Variants in CLN3 observed in about 807,000 individuals in gnomAD.
The protein encoded by CLN3 is CLN3 lysosomal/endosomal transmembrane protein, battenin.
Under a neutral mutation model 60.7 loss-of-function variants are expected in CLN3, and 49 were observed. That is an observed-to-expected ratio of 0.81 (90% CI 0.64 to 1.02). CLN3 has a LOEUF of 1.02. Among genes scored for constraint, CLN3 ranks in the 50% least tolerant of loss-of-function variants. The pLI, the probability that CLN3 is intolerant of heterozygous loss-of-function variation, is 0.00. For synonymous variants in CLN3, 256 were observed against 245.8 expected, an observed-to-expected ratio of 1.04 and a Z score of -0.39; for missense variants, 516 against 557.4, an observed-to-expected ratio of 0.93 and a Z score of 0.75.
intron 14 of CLN3, among the ~76,000 whole-genome samples, chr16:28,479,301 T>C (rs1158876818): frequency 6.6e-6 from 1 of 152,124 alleles, no homozygotes; most frequent in Non-Finnish European, 1.5e-5. Context: ...AGGACACACC[T>C]CTAGCCAGGT....
intron 9 of CLN3, among the ~76,000 whole-genome samples, chr16:28,485,471 G>C (rs2046192588): frequency 6.7e-6 from 1 of 148,884 alleles, no homozygotes; most frequent in African/African-American, 2.5e-5. Flanking sequence ...GGGAGGCTGA[G>C]GCAGGAGAAT....
chr16:28,491,099 ATAAAT>A lies in CLN3; in HGVS notation c.125+378_125+382del, dbSNP rs753102899. The stretch of plus-strand genomic sequence containing the variant: ...AGAAAAAAAAATAAGATAAAATAAA[ATAAAT>A]TAAAAAAATAAAAAAGTTTTAGTAG... On this transcript the variant is annotated intron_variant, in intron 3 of 15. Coordinates refer to ENST00000636147, the MANE Select transcript of CLN3 (RefSeq NM_001042432.2). 299 of 153,312 alleles carry A rather than the reference ATAAAT, an allele frequency of 2.0e-3. 1 individual carries two copies. Among genetic ancestry groups the A allele is most frequent in the Admixed American group, 8.0e-3 (116 of 14,478 alleles). The allele number at this position is 153,312 out of a possible 1,614,324, so 9.5% of individuals were successfully genotyped here. A position where few individuals can be genotyped will look rare whatever the true frequency, so the allele number is the denominator to read the frequency against.
At chr16:28,483,861 A>G (rs1471600710) in intron 10 of CLN3, 145 bp downstream of exon 10, 22 of 667,140 alleles carry the variant, frequency 3.3e-5, no homozygotes, top group Middle Eastern at 3.4e-4. Context: ...CTCGTCCTCA[A>G]CAAGTATTTC....
downstream of CLN3, chr16:28,470,528 G>T (rs1417425538): frequency 4.4e-6 from 3 of 687,732 alleles, no homozygotes; most frequent in Admixed American, 5.7e-5. Context: ...GGGGACCGGG[G>T]CCGGATCTGA....
intron 3 of CLN3, among the ~76,000 whole-genome samples, chr16:28,490,801 G>A (rs1048348357): frequency 6.6e-6 from 1 of 151,376 alleles, no homozygotes; most frequent in African/African-American, 2.4e-5. Context: ...CGGCATGGTG[G>A]CTCATGCTTG....
At position 28,491,656 on chromosome 16, in the gene CLN3, C is replaced by G; in HGVS notation, c.46+58G>C. ...CGGGGCCGAGTCAGCTCTCATTCCC[C>G]TCAGGTGGGCTGCGAGCCAGAGGTG... On this transcript the variant is annotated intron_variant, in intron 2 of 15. Transcript: ENST00000636147. The G allele has an allele frequency of 4.3e-6, 7 of 1,614,032 alleles. No homozygotes were observed. In the East Asian group the frequency reaches 1.6e-4, roughly 36 times the overall value.
At chr16:28,484,341 C>T (rs549886955) in intron 9 of CLN3, 2 of 551,518 alleles carry the variant, frequency 3.6e-6, no homozygotes, top group East Asian at 3.1e-5. Context: ...TATTCATGGG[C>T]CTTCATTTTG....
At chr16:28,472,620 C>A (rs1357719367), downstream of CLN3, among the ~76,000 whole-genome samples, 1 of 150,748 alleles carries the variant, frequency 6.6e-6, no homozygotes. Context: ...GTGGGCGGAT[C>A]ACTTGAGGTC....
downstream of CLN3, chr16:28,477,272 TAAG>T (rs2046008119): frequency 1.8e-6 from 1 of 568,226 alleles, no homozygotes; most frequent in Non-Finnish European, 3.1e-6. Context: ...AAAAACGATA[TAAG>T]AAGTCCATGG....
At chr16:28,477,254 T>C (rs2141692818), downstream of CLN3, 1 of 529,764 alleles carries the variant, frequency 1.9e-6, no homozygotes, top group East Asian at 3.4e-5. Flanking sequence ...AAGTTTCTTT[T>C]TAGAGACAAA....
chr16:28,491,147 C>T (rs367696318), intron 3 of CLN3: 4 of 318,290 alleles, frequency 1.3e-5, no homozygotes, highest in Admixed American at 4.5e-5. Context: ...TTTATTTAAA[C>T]GTTCACTAGG....
At chr16:28,477,270 T>G, downstream of CLN3, 1 of 562,738 alleles carries the variant, frequency 1.8e-6, no homozygotes, top group Non-Finnish European at 3.2e-6. Context: ...ACAAAAACGA[T>G]ATAAGAAGTC....
chr16:28,477,739 C>G lies in CLN3; in HGVS notation c.1195G>C (p.Glu399Gln), dbSNP rs386833701. ...GCCCTTGCCCGGCCAATGCTGACCT[C>G]CAGGGCGATGTTGTGGAAGGTGTTC... Reference protein sequence around the residue: ...YVNTFHNIALETSDEHREFAM... With the variant: ...YVNTFHNIALQTSDEHREFAM... The change falls in exon 15 of 16, where the codon GAG becomes CAG. Residue 399 changes from glutamate to glutamine, a missense_variant and splice_region_variant. Physicochemically the swap from Glu to Gln is conservative, Grantham distance 29. Coordinates refer to ENST00000636147, the MANE Select transcript of CLN3 (RefSeq NM_001042432.2). 1 of 1,614,032 alleles carries G rather than the reference C, an allele frequency of 6.2e-7. No individual in the cohort carries two copies. Among genetic ancestry groups the G allele is most frequent in the African/African-American group, 1.3e-5 (1 of 74,902 alleles).
chr16:28,488,474 C>T, intron 5 of CLN3, 117 bp downstream of exon 5: 1 of 902,406 alleles, frequency 1.1e-6, no homozygotes, highest in South Asian at 1.5e-5. Flanking sequence ...TGCGCCCAGC[C>T]CAGGTCTCAA....
chr16:28,486,720 T>C, intron 7 of CLN3, 70 bp from the exon 8 acceptor site: 1 of 1,414,892 alleles, frequency 7.1e-7, no homozygotes, highest in South Asian at 1.2e-5. Flanking sequence ...CTAATGTGTC[T>C]GGCCATGGCC....
chr16:28,476,000 C>G (rs1246644634), downstream of CLN3: 3 of 151,962 alleles, frequency 2.0e-5, no homozygotes, highest in African/African-American at 7.3e-5. Flanking sequence ...ATTCTTGCGC[C>G]TCAGCCTTCC....
downstream of CLN3, among the ~76,000 whole-genome samples, chr16:28,472,243 T>C (rs2045956400): frequency 6.6e-6 from 1 of 151,836 alleles, no homozygotes; most frequent in East Asian, 1.9e-4. Flanking sequence ...TGAGACACCG[T>C]CTCTACCAAA....
intron 14 of CLN3, among the ~76,000 whole-genome samples, chr16:28,478,733 T>C (rs918792199): frequency 7.9e-5 from 12 of 151,814 alleles, no homozygotes; most frequent in African/African-American, 2.4e-4. Flanking sequence ...TTGTTCTGCA[T>C]GGTGAGGGCT....
At chr16:28,481,806 G>A (rs2046099937) in intron 14 of CLN3, among the ~76,000 whole-genome samples, 1 of 151,924 alleles carries the variant, frequency 6.6e-6, no homozygotes, top group South Asian at 2.1e-4. Flanking sequence ...AGCCAATATG[G>A]CAAAATCCCA....
Sources: allele counts gnomAD v4.1 joint callset (sites outside exome capture counted in the v4.1 genomes callset), GRCh38; gene constraint gnomAD v4.1.1; transcripts MANE v1.5; gene names NCBI Gene and HGNC (gene_info 2026-07-23, HGNC 2026-07-21).